Variants in LRRC36 observed in about 807,000 individuals in gnomAD.
The protein encoded by LRRC36 is leucine rich repeat containing 36.
In LRRC36, 62 loss-of-function variants were observed where a neutral mutation model predicts 81.1. That is an observed-to-expected ratio of 0.76 (90% CI 0.62 to 0.94). The LOEUF (loss-of-function observed/expected upper bound fraction) is 0.94, where lower values mean the gene tolerates loss of function less well. Among genes scored for constraint, LRRC36 ranks in the 40% least tolerant of loss-of-function variants. The pLI is 0.00. For missense variants in LRRC36, 761 were observed against 881.7 expected (o/e 0.86, Z 1.73); for synonymous variants, 334 against 348.6 (o/e 0.96, Z 0.47).
chr16:67,340,570 C>A (rs1485933993), intron 1 of LRRC36, among the ~76,000 whole-genome samples: 2 of 151,922 alleles, frequency 1.3e-5, no homozygotes, highest in African/African-American at 4.8e-5. Context: ...GCAGGAGAAT[C>A]TCTTGAACTT....
At chr16:67,341,467 T>C (rs986816499) in intron 1 of LRRC36, among the ~76,000 whole-genome samples, 1 of 151,802 alleles carries the variant, frequency 6.6e-6, no homozygotes, top group Admixed American at 6.6e-5. Flanking sequence ...GTCGCAGATG[T>C]AGTATATTGT....
intron 7 of LRRC36, among the ~76,000 whole-genome samples, chr16:67,365,606 C>A (rs2039348587): frequency 6.6e-6 from 1 of 151,916 alleles, no homozygotes; most frequent in Non-Finnish European, 1.5e-5. Context: ...ACCTTTCTTG[C>A]CTTCTTTTGT....
chr16:67,373,585 G>A (rs908836244), intron 9 of LRRC36, among the ~76,000 whole-genome samples: 1 of 151,524 alleles, frequency 6.6e-6, no homozygotes, highest in African/African-American at 2.4e-5. Context: ...ATGCACGCCT[G>A]TAGTCCCAGC....
chr16:67,369,509 A>T (rs2142120853), intron 8 of LRRC36, among the ~76,000 whole-genome samples: 1 of 152,378 alleles, frequency 6.6e-6, no homozygotes, highest in South Asian at 2.1e-4. Flanking sequence ...CACTGAGGTG[A>T]ATTCAAGAAA....
At chr16:67,370,082 C>G (rs577274557) in intron 8 of LRRC36, among the ~76,000 whole-genome samples, 2 of 152,150 alleles carry the variant, frequency 1.3e-5, no homozygotes, top group South Asian at 4.2e-4. Flanking sequence ...GGAATCCAGT[C>G]CACCAGTGGA....
At chr16:67,364,318 T>C (rs917915740) in intron 6 of LRRC36, among the ~76,000 whole-genome samples, 1 of 152,222 alleles carries the variant, frequency 6.6e-6, no homozygotes, top group African/African-American at 2.4e-5. Flanking sequence ...TGAGTGAATA[T>C]GATACAAGGA....
intron 5 of LRRC36, among the ~76,000 whole-genome samples, chr16:67,352,596 A>G (rs2038699876): frequency 6.6e-6 from 1 of 151,676 alleles, no homozygotes; most frequent in Non-Finnish European, 1.5e-5. Context: ...CTTTGCCCCT[A>G]TTGATCTCAT....
chr16:67,352,205 T>C (rs1005247225), intron 5 of LRRC36, among the ~76,000 whole-genome samples: 6 of 152,226 alleles, frequency 3.9e-5, no homozygotes, highest in Non-Finnish European at 7.3e-5. Flanking sequence ...TTTTTTTTAA[T>C]ATAAAATTTA....
intron 5 of LRRC36, chr16:67,362,338 T>C (rs903215860): frequency 6.1e-6 from 2 of 328,126 alleles, no homozygotes; most frequent in Non-Finnish European, 1.2e-5. Context: ...AATTTTTGTA[T>C]TTTTAGTAGA....
rs535730287 is a variant in LRRC36, at chr16:67,327,959, G to A, written c.70+1027G>A. ...GAGGAGGGAAACCAGATTGGAGTGG[G>A]ATGAAAAAGGGAAATGATATTTGAG... is the stretch of plus-strand genomic sequence containing the variant. On this transcript the variant is annotated intron_variant, in intron 1 of 13. Transcript: ENST00000329956. Among the ~76,000 whole-genome samples the A allele has an allele frequency of 4.6e-5, 7 of 152,132 alleles. No homozygotes were observed. The East Asian group carries it at 1.2e-3, about 25-fold the overall frequency.
intron 8 of LRRC36, among the ~76,000 whole-genome samples, chr16:67,367,964 C>T (rs2142113323): frequency 6.6e-6 from 1 of 152,264 alleles, no homozygotes; most frequent in South Asian, 2.1e-4. Flanking sequence ...GGCTGAGAGG[C>T]AGGAGAATTG....
At chr16:67,342,338 A>G (rs1168950338) in intron 2 of LRRC36, among the ~76,000 whole-genome samples, 3 of 152,340 alleles carry the variant, frequency 2.0e-5, no homozygotes, top group Middle Eastern at 6.8e-3. Context: ...GGGCAAATGC[A>G]TAAATTTTAG....
rs141550244 is a variant in LRRC36, at chr16:67,341,991, T to C, written c.105T>C (p.Tyr35=). 124 of 1,611,610 alleles carry C rather than the reference T, an allele frequency of 7.7e-5. No homozygotes were observed. In the African/African-American group the frequency reaches 1.3e-3, roughly 17 times the overall value. ...LVESLSLQGS[Y]AGKIHSIGDA... is the part of the protein sequence containing the mutation. ...AGTCTCTTTCATTGCAGGGATCTTA[T>C]GCTGGCAAAATCCATTCCATTGGTG... Residue 35 remains tyrosine, a synonymous_variant, in exon 2 of 14, where the codon TAT becomes TAC. Transcript: ENST00000329956.
chr16:67,326,861 G>A lies in LRRC36; in HGVS notation c.-2G>A. 7.0e-7 allele frequency: 1 copy of A among 1,437,046 alleles called. No homozygotes were observed. The highest frequency in any genetic ancestry group is 9.0e-7 in the Non-Finnish European group (1 of 1,105,256). 89.0% of individuals were successfully genotyped at this position (1,437,046 alleles called of 1,614,324 possible). On this transcript the variant is annotated 5_prime_UTR_variant, in exon 1 of 14. Coordinates refer to ENST00000329956, the MANE Select transcript of LRRC36 (RefSeq NM_018296.6). ...GCGGTGGCAGGTGAGCGGCGGGCGG[G>A]GATGGCGGAGCAATGGGAGCTGGAC...
At chr16:67,331,657 T>C (rs1372409892) in intron 1 of LRRC36, among the ~76,000 whole-genome samples, 1 of 152,220 alleles carries the variant, frequency 6.6e-6, no homozygotes, top group Non-Finnish European at 1.5e-5. Context: ...CTTTAGTTAA[T>C]AGGTGATCTT....
At chr16:67,359,674 G>A (rs998450388) in intron 5 of LRRC36, among the ~76,000 whole-genome samples, 9 of 152,192 alleles carry the variant, frequency 5.9e-5, no homozygotes, top group Non-Finnish European at 4.4e-5. Context: ...GTCATAGAGT[G>A]ATTCTGTACA....
At chr16:67,355,242 G>A (rs1256108998) in intron 5 of LRRC36, among the ~76,000 whole-genome samples, 1 of 151,974 alleles carries the variant, frequency 6.6e-6, no homozygotes, top group African/African-American at 2.4e-5. Flanking sequence ...GTTTTTGTGT[G>A]GGCATAAGTT....
chr16:67,327,164 A>T, intron 1 of LRRC36: 1 of 444,992 alleles, frequency 2.2e-6, no homozygotes. Context: ...TTGAGAGAGA[A>T]GAGGGGAGTG....
intron 12 of LRRC36, 74 bp from the exon 13 acceptor site, chr16:67,382,059 C>T (rs1438856567): frequency 4.0e-6 from 4 of 1,004,842 alleles, no homozygotes; most frequent in Non-Finnish European, 6.1e-6. Context: ...AGATGTCCAT[C>T]TGAATACTTA....
Sources: gnomAD v4.1 joint callset for allele counts (sites outside exome capture counted in the v4.1 genomes callset) on GRCh38, gnomAD v4.1.1 for gene constraint, MANE v1.5 for transcripts, NCBI Gene and HGNC (gene_info 2026-07-23, HGNC 2026-07-21) for gene names.